The following PAM variants were observed in gnomAD, a reference collection of about 807,000 sequenced individuals.
PAM encodes peptidylglycine alpha-amidating monooxygenase.
Under a neutral mutation model 122.1 loss-of-function variants are expected in PAM, and 72 were observed. The ratio of observed to expected loss-of-function variants is 0.59; its 90% confidence interval spans 0.49 to 0.72. PAM has a LOEUF of 0.72. Ranked by LOEUF, PAM falls within the 30% of genes least tolerant of loss-of-function variation. The probability of loss-of-function intolerance (pLI) is 0.00; values close to 1 mark genes in which losing one functional copy is unlikely to be tolerated. For synonymous variants in PAM, 389 were observed against 404.4 expected (o/e 0.96, Z 0.46); for missense variants, 1,106 against 1,183.7 (o/e 0.93, Z 0.96).
chr5:102,855,437 T>C (rs1204484011), intron 1 of PAM, among the ~76,000 whole-genome samples: 1 of 152,168 alleles, frequency 6.6e-6, no homozygotes, highest in African/African-American at 2.4e-5. Flanking sequence ...TAAGAATCAT[T>C]TGAAAATACA....
chr5:102,901,772 A>T (rs1797995761), intron 4 of PAM, among the ~76,000 whole-genome samples: 1 of 151,512 alleles, frequency 6.6e-6, no homozygotes, highest in African/African-American at 2.4e-5. Flanking sequence ...CTATAAATCG[A>T]CTGCACTTAG....
intron 16 of PAM, among the ~76,000 whole-genome samples, chr5:102,995,254 T>A (rs867699982): frequency 5.3e-5 from 8 of 152,276 alleles, no homozygotes; most frequent in Admixed American, 3.9e-4. Context: ...TAAGGGGTTC[T>A]ACAAAAAAGA....
At chr5:102,940,375 A>G (rs1357927977) in intron 7 of PAM, among the ~76,000 whole-genome samples, 1 of 150,898 alleles carries the variant, frequency 6.6e-6, no homozygotes, top group East Asian at 1.9e-4. Context: ...CTCAGGGAAA[A>G]ACAGATAATA....
At chr5:102,763,799 G>A (rs1277972981) in intron 1 of PAM, among the ~76,000 whole-genome samples, 2 of 152,172 alleles carry the variant, frequency 1.3e-5, no homozygotes, top group Admixed American at 6.5e-5. Context: ...GCTGGTGGCC[G>A]GCCAGTCCAC....
chr5:102,958,907 C>CTT (rs760132494), intron 12 of PAM, among the ~76,000 whole-genome samples: 3 of 151,988 alleles, frequency 2.0e-5, no homozygotes, highest in Non-Finnish European at 4.4e-5. Flanking sequence ...TTAGTGTAGG[C>CTT]TTGCTAAAAA....
downstream of PAM, chr5:103,030,468 T>G (rs1786096378): frequency 6.6e-6 from 1 of 152,214 alleles, no homozygotes; most frequent in Non-Finnish European, 1.5e-5. Flanking sequence ...ATAATACAGA[T>G]ATAATTGACT....
intron 3 of PAM, among the ~76,000 whole-genome samples, chr5:102,877,092 C>T (rs908302088): frequency 6.6e-6 from 1 of 152,238 alleles, no homozygotes; most frequent in Non-Finnish European, 1.5e-5. Flanking sequence ...CACTTGCTGG[C>T]TGCAAGACCT....
At chr5:102,948,514 AT>A (rs1310506204) in intron 9 of PAM, 69 bp downstream of exon 9, 7 of 741,908 alleles carry the variant, frequency 9.4e-6, no homozygotes, top group South Asian at 6.9e-5. Context: ...TTTATACTGT[AT>A]TTTTTATAAA....
intron 15 of PAM, among the ~76,000 whole-genome samples, chr5:102,983,086 A>G (rs776172319): frequency 6.6e-5 from 10 of 151,990 alleles, no homozygotes; most frequent in South Asian, 2.1e-4. Flanking sequence ...AATACAGTTG[A>G]GAGCTTCAAC....
intron 24 of PAM, among the ~76,000 whole-genome samples, chr5:103,025,593 G>T (rs1011426242): frequency 6.6e-6 from 1 of 151,994 alleles, no homozygotes; most frequent in Non-Finnish European, 1.5e-5. Context: ...TTAGCAATTG[G>T]CTTAAGTCCA....
At chr5:102,812,788 C>T (rs27857) in intron 1 of PAM, among the ~76,000 whole-genome samples, 103,087 of 151,810 alleles carry the variant, frequency 0.68, 35,253 homozygotes, top group South Asian at 0.8. Flanking sequence ...AATCAGCTGG[C>T]TCTTTTATTT....
chr5:103,023,594 T>C (rs1379939415), intron 23 of PAM, among the ~76,000 whole-genome samples: 3 of 152,056 alleles, frequency 2.0e-5, no homozygotes, highest in African/African-American at 7.2e-5. Flanking sequence ...AAAGTTATAT[T>C]TGAACCATTT....
chr5:102,760,952 G>A (rs1752161969), intron 1 of PAM, among the ~76,000 whole-genome samples: 1 of 152,244 alleles, frequency 6.6e-6, no homozygotes, highest in African/African-American at 2.4e-5. Flanking sequence ...GTGATTGTGA[G>A]ATTAGGATCT....
chr5:103,004,830 G>A (rs543036828), intron 17 of PAM, among the ~76,000 whole-genome samples: 1 of 152,276 alleles, frequency 6.6e-6, no homozygotes, highest in East Asian at 1.9e-4. Flanking sequence ...TTTGTAAGAT[G>A]TTAACACTTA....
chr5:102,800,271 T>A (rs1764352217), intron 1 of PAM, among the ~76,000 whole-genome samples: 1 of 152,186 alleles, frequency 6.6e-6, no homozygotes, highest in South Asian at 2.1e-4. Flanking sequence ...GAGACTGAGG[T>A]TTCTCTCTGC....
At chr5:102,988,529 A>C (rs574287308) in intron 15 of PAM, among the ~76,000 whole-genome samples, 1 of 152,188 alleles carries the variant, frequency 6.6e-6, no homozygotes, top group Non-Finnish European at 1.5e-5. Context: ...ATTCTACCAT[A>C]GTACCTTACA....
chr5:102,768,206 T>A (rs964793134), intron 1 of PAM, among the ~76,000 whole-genome samples: 1 of 152,130 alleles, frequency 6.6e-6, no homozygotes, highest in South Asian at 2.1e-4. Flanking sequence ...TAAATTTTTT[T>A]AATTTTTAAT....
At chr5:102,901,608 G>T (rs1797919001) in intron 4 of PAM, among the ~76,000 whole-genome samples, 195 bp downstream of exon 4, 1 of 151,558 alleles carries the variant, frequency 6.6e-6, no homozygotes, top group Non-Finnish European at 1.5e-5. Flanking sequence ...TATCTGGAGA[G>T]ATTCATGAGT....
chr5:102,816,474 C>T (rs1438092596), intron 1 of PAM, among the ~76,000 whole-genome samples: 1 of 152,110 alleles, frequency 6.6e-6, no homozygotes, highest in Non-Finnish European at 1.5e-5. Flanking sequence ...GTTTCCATTT[C>T]TTTTTCTCTT....
Sources: allele counts gnomAD v4.1 joint callset (sites outside exome capture counted in the v4.1 genomes callset), GRCh38; gene constraint gnomAD v4.1.1; transcripts MANE v1.5; gene names NCBI Gene and HGNC (gene_info 2026-07-23, HGNC 2026-07-21).